Variants in PHF20L1 observed in about 807,000 individuals in gnomAD.
PHF20L1 encodes PHD finger protein 20-like protein 1.
A neutral mutation model predicts 125.5 loss-of-function variants in PHF20L1; 44 were observed. The ratio of observed to expected loss-of-function variants is 0.35; its 90% CI spans 0.28 to 0.45. The LOEUF (loss-of-function observed/expected upper bound fraction) is 0.45, where lower values mean the gene tolerates loss of function less well. Among genes scored for constraint, PHF20L1 ranks in the 20% least tolerant of loss-of-function variants. The pLI is 1.00. For synonymous variants in PHF20L1, 380 were observed against 403.1 expected, an observed-to-expected ratio of 0.94 and a Z score of 0.69; for missense variants, 1,012 against 1,217.2, an observed-to-expected ratio of 0.83 and a Z score of 2.51.
intron 6 of PHF20L1, among the ~76,000 whole-genome samples, chr8:132,801,776 AAAAT>A (rs1481405333): frequency 1.6e-5 from 1 of 60,796 alleles, no homozygotes; most frequent in Non-Finnish European, 3.5e-5. Context: ...ACTCAACATA[AAAAT>A]AAAAGAGCAA....
Position 132,817,512 on chromosome 8 carries a change from A to T in PHF20L1, c.1546A>T (p.Ile516Leu). 6.2e-7 allele frequency: 1 copy of T among 1,612,050 alleles called. No homozygotes were observed. Among genetic ancestry groups the T allele is most frequent in the Non-Finnish European group, 8.5e-7 (1 of 1,178,980 alleles). The change falls in exon 12 of 21, where the codon ATA becomes TTA. Residue 516 changes from isoleucine to leucine, a missense_variant. Coordinates refer to ENST00000395386, the MANE Select transcript of PHF20L1 (RefSeq NM_016018.5). Reference sequence around the variant, plus strand: ...GCTTCCAAATCCTTCTTCCAAAGCAATAGCTGATGGAAGAGGAGCTCCAGC... The same window carrying T: ...GCTTCCAAATCCTTCTTCCAAAGCATTAGCTGATGGAAGAGGAGCTCCAGC... ...QMLPNPSSKA[I>L]ADGRGAPAAA...
intron 14 of PHF20L1, chr8:132,826,175 A>T (rs951958305): frequency 6.6e-6 from 1 of 152,264 alleles, no homozygotes; most frequent in Non-Finnish European, 1.5e-5. Flanking sequence ...TGTTAAAAGG[A>T]TATGACCACA....
intron 15 of PHF20L1, among the ~76,000 whole-genome samples, chr8:132,835,680 T>A (rs569576798): frequency 8.5e-5 from 13 of 152,288 alleles, no homozygotes; most frequent in Non-Finnish European, 1.6e-4. Flanking sequence ...TAATACATTT[T>A]AAAAATCCCT....
chr8:132,835,726 G>A (rs1055555469), intron 15 of PHF20L1, among the ~76,000 whole-genome samples: 10 of 152,076 alleles, frequency 6.6e-5, no homozygotes, highest in African/African-American at 2.2e-4. Context: ...AGAAATACTG[G>A]TAAAGTCATT....
Position 132,796,441 on chromosome 8 carries a change from A to G in PHF20L1, c.340+1624A>G, listed in dbSNP as rs913179700. 2.2e-4 allele frequency among the ~76,000 whole-genome samples: 34 copies of G among 152,138 alleles called. 1 individual carries two copies. The highest frequency in any genetic ancestry group is 4.9e-4 in the Non-Finnish European group (33 of 68,014). On this transcript the variant is annotated intron_variant, in intron 4 of 20. Transcript: ENST00000395386. ...GAGAAAATAGGAGGTAAGAGAAGAT[A>G]GAAGAGGAAAACAGAGATATATTAA...
At chr8:132,794,977 C>T (rs1198358446) in intron 4 of PHF20L1, among the ~76,000 whole-genome samples, 160 bp downstream of exon 4, 3 of 152,024 alleles carry the variant, frequency 2.0e-5, no homozygotes, top group Admixed American at 6.6e-5. Context: ...TATGTGTTAT[C>T]GAGAATAAAA....
At chr8:132,839,284 C>T in intron 17 of PHF20L1, 103 bp from the exon 18 acceptor site, 1 of 843,628 alleles carries the variant, frequency 1.2e-6, no homozygotes, top group South Asian at 1.6e-5. Flanking sequence ...GCTCCTAGTG[C>T]TAGAGCTTGC....
At chr8:132,792,470 A>G (rs1460159472) in intron 2 of PHF20L1, among the ~76,000 whole-genome samples, 1 of 152,212 alleles carries the variant, frequency 6.6e-6, no homozygotes, top group Non-Finnish European at 1.5e-5. Flanking sequence ...CCTTTAACAC[A>G]GGTCTTCCCT....
Position 132,797,239 on chromosome 8 carries a change from CA to C in PHF20L1, c.341-1528del, listed in dbSNP as rs546778051. ...TAGGCCTGCCCGCTCCCCACCTTGA[CA>C]AAAATCAGAAGGGCAAAAGAAGCCA... On this transcript the variant is annotated intron_variant, in intron 4 of 20. Transcript: ENST00000395386. Among the ~76,000 whole-genome samples, 7 of 151,836 alleles carry C rather than the reference CA, an allele frequency of 4.6e-5. No homozygotes were observed. The South Asian group carries it at 8.3e-4, about 18-fold the overall frequency.
At chr8:132,806,881 A>G (rs1458266518) in intron 8 of PHF20L1, 1 of 151,904 alleles carries the variant, frequency 6.6e-6, no homozygotes, top group African/African-American at 2.4e-5. Flanking sequence ...TTATTTTTTT[A>G]AAGAGTTCTA....
chr8:132,828,361 C>T (rs75482317), intron 14 of PHF20L1, among the ~76,000 whole-genome samples: 1 of 151,936 alleles, frequency 6.6e-6, no homozygotes, highest in Admixed American at 6.6e-5. Flanking sequence ...CTCTCCAGCT[C>T]TCATAGCTAG....
chr8:132,837,543 TA>T (rs751466292), intron 16 of PHF20L1, among the ~76,000 whole-genome samples, 168 bp from the exon 17 acceptor site: 1 of 152,194 alleles, frequency 6.6e-6, no homozygotes, highest in Non-Finnish European at 1.5e-5. Flanking sequence ...ATTTCAAAGA[TA>T]AAATTCATCT....
intron 1 of PHF20L1, among the ~76,000 whole-genome samples, chr8:132,776,344 C>G (rs1829761037): frequency 6.6e-6 from 1 of 152,172 alleles, no homozygotes; most frequent in South Asian, 2.1e-4. Flanking sequence ...TGAACTATCC[C>G]TTACTGAATT....
rs962200858 is a variant in PHF20L1, at chr8:132,811,625, A to G, written c.930+497A>G. On this transcript the variant is annotated intron_variant, in intron 9 of 20. Transcript: ENST00000395386. ...TAACTACAAAAAAAGAGAGTTTAAA[A>G]AACTATTAAGGGTCTGTCTTTAAAC... is the stretch of plus-strand genomic sequence containing the variant. 6.1e-6 allele frequency: 6 copies of G among 983,214 alleles called. No homozygotes were observed. In the African/African-American group the frequency reaches 1.0e-4, roughly 17 times the overall value. The allele number at this position is 983,214 out of a possible 1,614,324, so 60.9% of individuals were successfully genotyped here. A position where few individuals can be genotyped will look rare whatever the true frequency, so the allele number is the denominator to read the frequency against.
intron 6 of PHF20L1, among the ~76,000 whole-genome samples, chr8:132,801,424 G>A (rs780228721): frequency 4.0e-5 from 6 of 151,674 alleles, no homozygotes; most frequent in Non-Finnish European, 8.9e-5. Flanking sequence ...TGTGCGAAGT[G>A]ATTCCTTTAA....
intron 8 of PHF20L1, chr8:132,809,585 G>T (rs1438891933): frequency 6.6e-6 from 1 of 152,180 alleles, no homozygotes; most frequent in Non-Finnish European, 1.5e-5. Flanking sequence ...CTGCCTTTGA[G>T]GGGGCACCAT....
Position 132,842,605 on chromosome 8 carries a change from A to T in PHF20L1, c.2478A>T (p.Ile826=). Residue 826 remains isoleucine, a synonymous_variant, in exon 19 of 21, where the codon ATA becomes ATT. Coordinates refer to ENST00000395386, the MANE Select transcript of PHF20L1 (RefSeq NM_016018.5). ...DQIIAGVEKK[I]AQDTVNREEK... The stretch of plus-strand genomic sequence containing the variant: ...TAATAGCTGGGGTGGAGAAAAAAAT[A>T]GCTCAAGACACAGTTAATCGAGAAG... The T allele has an allele frequency of 6.2e-7, 1 of 1,613,168 alleles. No individual in the cohort carries two copies. Among genetic ancestry groups the T allele is most frequent in the Non-Finnish European group, 8.5e-7 (1 of 1,179,552 alleles).
intron 2 of PHF20L1, among the ~76,000 whole-genome samples, chr8:132,789,574 A>G (rs989799557): frequency 1.3e-5 from 2 of 152,170 alleles, no homozygotes; most frequent in Admixed American, 6.5e-5. Flanking sequence ...CATTTCCATT[A>G]AGCCAAATAA....
intron 6 of PHF20L1, among the ~76,000 whole-genome samples, chr8:132,800,769 C>G (rs758960051): frequency 6.6e-6 from 1 of 151,642 alleles, no homozygotes; most frequent in East Asian, 1.9e-4. Flanking sequence ...ACTGGATAAA[C>G]TTCTGCTTGC....
Sources: gnomAD v4.1 joint callset for allele counts (sites outside exome capture counted in the v4.1 genomes callset) on GRCh38, gnomAD v4.1.1 for gene constraint, MANE v1.5 for transcripts, NCBI Gene and HGNC (gene_info 2026-07-23, HGNC 2026-07-21) for gene names.